DOCK9: variants seen among roughly 807,000 people sequenced by gnomAD.
DOCK9 encodes dedicator of cytokinesis protein 9.
In DOCK9, 89 loss-of-function variants were observed where a neutral mutation model predicts 263.3. That is an observed-to-expected ratio of 0.34 (90% CI 0.28 to 0.40). The LOEUF (loss-of-function observed/expected upper bound fraction) is 0.40, where lower values mean the gene tolerates loss of function less well. Among genes scored for constraint, DOCK9 ranks in the 10% least tolerant of loss-of-function variants. The pLI is 1.00. For synonymous variants in DOCK9, 976 were observed against 973.1 expected (o/e 1.00, Z -0.06); for missense variants, 2,140 against 2,603.4 (o/e 0.82, Z 3.87).
chr13:98,844,684 T>C (rs2093337221), intron 38 of DOCK9, among the ~76,000 whole-genome samples: 1 of 152,212 alleles, frequency 6.6e-6, no homozygotes, highest in Admixed American at 6.5e-5. Context: ...CCAGCCAATC[T>C]TCATAACACT....
At chr13:98,898,389 C>A (rs1444879295) in intron 13 of DOCK9, 128 bp from the exon 14 acceptor site, 30 of 671,160 alleles carry the variant, frequency 4.5e-5, no homozygotes, top group Non-Finnish European at 7.6e-5. Context: ...AAAAGCACAT[C>A]ATACAGTAAT....
rs2104677 is a variant in DOCK9, at chr13:98,811,424, G to A, written c.5131-1133C>T. ...TCCCAATCTGTGATTTGTCTCTAGG[G>A]TTTTTTTTTTAATATTAAATTTATT... On this transcript the variant is annotated intron_variant, in intron 45 of 52. Coordinates refer to ENST00000682017, the MANE Select transcript of DOCK9 (RefSeq NM_001366683.2). Among the ~76,000 whole-genome samples the A allele has an allele frequency of 4.0e-5, 6 of 149,968 alleles. No individual in the cohort carries two copies. The South Asian group carries it at 1.0e-3, about 26-fold the overall frequency.
At chr13:98,949,205 T>C (rs2057098732) in intron 2 of DOCK9, among the ~76,000 whole-genome samples, 1 of 152,202 alleles carries the variant, frequency 6.6e-6, no homozygotes, top group Non-Finnish European at 1.5e-5. Context: ...CCCAAGTCGC[T>C]GGGACCACAG....
chr13:98,898,297 A>G lies in DOCK9; in HGVS notation c.1504-36T>C, dbSNP rs772177694. ...TGAGAATAAAGCTATGAGATACTGCATCTCACTGAAAGAACTGTGACCTCA... is the reference window on the plus strand; with the variant it reads ...TGAGAATAAAGCTATGAGATACTGCGTCTCACTGAAAGAACTGTGACCTCA... On this transcript the variant is annotated intron_variant, in intron 13 of 52. Coordinates refer to ENST00000682017, the MANE Select transcript of DOCK9 (RefSeq NM_001366683.2). The G allele has an allele frequency of 5.2e-6, 8 of 1,536,896 alleles. No homozygotes were observed. The South Asian group carries it at 6.9e-5, about 13-fold the overall frequency.
intron 1 of DOCK9, among the ~76,000 whole-genome samples, chr13:99,007,999 T>C (rs1883647934): frequency 6.6e-6 from 1 of 152,040 alleles, no homozygotes; most frequent in African/African-American, 2.4e-5. Flanking sequence ...AAGAAAACAA[T>C]TGTATAAATG....
At chr13:99,032,246 C>T (rs1461856903) in intron 1 of DOCK9, among the ~76,000 whole-genome samples, 2 of 151,872 alleles carry the variant, frequency 1.3e-5, no homozygotes, top group Non-Finnish European at 2.9e-5. Flanking sequence ...CTAGGCAGGC[C>T]GATTGTCTAA....
intron 14 of DOCK9, 73 bp downstream of exon 14, chr13:98,898,106 A>G: frequency 9.7e-7 from 1 of 1,030,280 alleles, no homozygotes; most frequent in Non-Finnish European, 1.4e-6. Context: ...CTGAACAACA[A>G]ACAGAATAGG....
intron 1 of DOCK9, among the ~76,000 whole-genome samples, chr13:99,061,053 A>G (rs1193321129): frequency 6.6e-6 from 1 of 152,238 alleles, no homozygotes; most frequent in Non-Finnish European, 1.5e-5. Context: ...AGATACAAAA[A>G]AGCCCAAGGC....
intron 49 of DOCK9, among the ~76,000 whole-genome samples, chr13:98,802,452 G>C (rs1448867390): frequency 6.6e-6 from 1 of 152,238 alleles, no homozygotes; most frequent in Admixed American, 6.5e-5. Context: ...GACGGGGAAG[G>C]CCCAGTGATA....
chr13:98,865,110 C>T (rs149095475), intron 30 of DOCK9, among the ~76,000 whole-genome samples: 36 of 152,200 alleles, frequency 2.4e-4, no homozygotes, highest in Admixed American at 1.4e-3. Context: ...GCTGGAGTGC[C>T]GTGGCATAAT....
intron 1 of DOCK9, among the ~76,000 whole-genome samples, chr13:99,041,287 C>T (rs182982552): frequency 1.3e-5 from 2 of 152,188 alleles, no homozygotes; most frequent in East Asian, 3.9e-4. Context: ...TGTTCAAGAC[C>T]AGCCTGGGCA....
chr13:98,894,942 A>C (rs2047153455), intron 15 of DOCK9, among the ~76,000 whole-genome samples: 1 of 116,286 alleles, frequency 8.6e-6, no homozygotes, highest in African/African-American at 3.3e-5. Flanking sequence ...GATATTTAGT[A>C]TCTCTACTAA....
intron 1 of DOCK9, chr13:99,015,875 C>A: frequency 2.9e-5 from 24 of 825,498 alleles, no homozygotes; most frequent in Non-Finnish European, 2.9e-5. Flanking sequence ...TTTAAAGTAT[C>A]GTTTTTCTAG....
chr13:98,932,390 A>G (rs11069332), intron 2 of DOCK9, among the ~76,000 whole-genome samples: 96,729 of 151,238 alleles, frequency 0.64, 31,445 homozygotes, highest in Middle Eastern at 0.77. Context: ...GCAAGACTCC[A>G]TCTCAAAAAA....
chr13:99,053,363 G>A (rs776987996), intron 1 of DOCK9, among the ~76,000 whole-genome samples: 12 of 152,034 alleles, frequency 7.9e-5, no homozygotes, highest in African/African-American at 1.9e-4. Flanking sequence ...TGCAAATCAC[G>A]TTTTGTGGCA....
chr13:99,031,099 A>G (rs1566327297), intron 1 of DOCK9, among the ~76,000 whole-genome samples: 1 of 146,504 alleles, frequency 6.8e-6, no homozygotes, highest in African/African-American at 2.5e-5. Flanking sequence ...TAAATATCTT[A>G]CTTTCTGTAA....
At chr13:98,821,241 GCC>G (rs1218937531) in intron 45 of DOCK9, among the ~76,000 whole-genome samples, 2 of 152,072 alleles carry the variant, frequency 1.3e-5, no homozygotes, top group African/African-American at 4.8e-5. Flanking sequence ...CCAAGGATAG[GCC>G]CCAGTAGGAG....
Position 98,922,143 on chromosome 13 carries a change from C to T in DOCK9, c.490G>A (p.Ala164Thr). 1 of 1,590,426 alleles carries T rather than the reference C, an allele frequency of 6.3e-7. No individual in the cohort carries two copies. The highest frequency in any genetic ancestry group is 1.8e-5 in the Admixed American group (1 of 56,812). Reference sequence around the variant, plus strand: ...CCCTTCTGGGAACCAAGGGAGGCAGCATCCTAGGAGAGAAGGAAAACACCA... The same window carrying T: ...CCCTTCTGGGAACCAAGGGAGGCAGTATCCTAGGAGAGAAGGAAAACACCA... The part of the protein sequence containing the change: ...VDEEVDKDED[A>T]ASLGSQKGGI... Residue 164 changes from alanine (A) to threonine (T), a missense_variant, in exon 6 of 53, where the codon GCT becomes ACT. Transcript: ENST00000682017.
chr13:99,008,206 C>CTATA (rs1260500044), intron 1 of DOCK9, among the ~76,000 whole-genome samples: 42 of 70,864 alleles, frequency 5.9e-4, no homozygotes, highest in East Asian at 3.3e-3. Flanking sequence ...CTCTCTCTCT[C>CTATA]TCTCTCTATA....
Sources: gnomAD v4.1 joint callset for allele counts (sites outside exome capture counted in the v4.1 genomes callset) on GRCh38, gnomAD v4.1.1 for gene constraint, MANE v1.5 for transcripts, NCBI Gene and HGNC (gene_info 2026-07-23, HGNC 2026-07-21) for gene names.